The following CACNA1D variants were observed in gnomAD, a reference collection of about 807,000 sequenced individuals.
CACNA1D encodes the protein voltage-dependent L-type calcium channel subunit alpha-1D.
In CACNA1D, 55 loss-of-function variants were observed where a neutral mutation model predicts 257.1. That is an observed-to-expected ratio of 0.21 (90% CI 0.17 to 0.27). The LOEUF (loss-of-function observed/expected upper bound fraction) is 0.27. CACNA1D is among the 10% of genes least tolerant of loss of function. The pLI is 1.00. For synonymous variants in CACNA1D, 980 were observed against 1,014.9 expected (o/e 0.97, Z 0.65); for missense variants, 1,876 against 2,784.0 (o/e 0.67, Z 7.34).
intron 3 of CACNA1D, among the ~76,000 whole-genome samples, chr3:53,600,951 G>A (rs564272720): frequency 6.6e-6 from 1 of 152,234 alleles, no homozygotes; most frequent in Non-Finnish European, 1.5e-5. Context: ...TGAGTCCATT[G>A]TGTTTTTCCT....
At chr3:53,794,030 C>T (rs955423243) in intron 40 of CACNA1D, among the ~76,000 whole-genome samples, 6 of 152,198 alleles carry the variant, frequency 3.9e-5, no homozygotes, top group Non-Finnish European at 7.3e-5. Flanking sequence ...ATAGCTTATA[C>T]TGTTTAACAA....
intron 3 of CACNA1D, among the ~76,000 whole-genome samples, chr3:53,612,731 C>T (rs2093596618): frequency 6.6e-6 from 1 of 152,136 alleles, no homozygotes; most frequent in Non-Finnish European, 1.5e-5. Flanking sequence ...TGCTTGGCGC[C>T]CCCACTCTCT....
intron 3 of CACNA1D, among the ~76,000 whole-genome samples, chr3:53,545,836 G>A (rs1174599215): frequency 6.6e-6 from 1 of 152,190 alleles, no homozygotes; most frequent in Non-Finnish European, 1.5e-5. Flanking sequence ...ACAGTGGGAA[G>A]TCCAGATTGT....
intron 3 of CACNA1D, among the ~76,000 whole-genome samples, chr3:53,589,962 C>G (rs1334832369): frequency 6.6e-6 from 1 of 152,252 alleles, no homozygotes; most frequent in Non-Finnish European, 1.5e-5. Context: ...TCTGGCCTGC[C>G]TGCTCAGCAT....
At chr3:53,687,344 A>T (rs1422108209) in intron 8 of CACNA1D, among the ~76,000 whole-genome samples, 1 of 152,184 alleles carries the variant, frequency 6.6e-6, no homozygotes, top group Non-Finnish European at 1.5e-5. Context: ...AGGAGGGCTT[A>T]TACTGCTGAT....
At chr3:53,806,190 TC>T (rs2095565088) in intron 45 of CACNA1D, among the ~76,000 whole-genome samples, 2 of 69,794 alleles carry the variant, frequency 2.9e-5, no homozygotes, top group Non-Finnish European at 5.5e-5. Context: ...TCCTCCTCCC[TC>T]CTCCCTCCTC....
intron 8 of CACNA1D, chr3:53,679,270 CAAAAAAAAAAAAAAAAAAAAAA>C (rs1166823497): frequency 6.1e-4 from 10 of 16,330 alleles, no homozygotes; most frequent in Admixed American, 2.8e-3. Context: ...AACTCCATCT[CAAAAAAAAAAAAAAAAAAAAAA>C]AAAAAAAAAA....
chr3:53,806,963 G>A (rs60910387), intron 45 of CACNA1D, among the ~76,000 whole-genome samples: 23,431 of 152,220 alleles, frequency 0.15, 3,121 homozygotes, highest in African/African-American at 0.36. Flanking sequence ...AATCCCACCA[G>A]CCACAGTGCC....
In CACNA1D at chr3:53,673,874, C is replaced by A; in HGVS notation, c.1220+748C>A. On this transcript the variant is annotated intron_variant, in intron 8 of 47. Transcript: ENST00000350061. The surrounding 1 kb of genome is among the most constrained non-coding windows in gnomAD (Gnocchi z 4.1). Reference sequence around the variant, plus strand: ...TGCTGCCACGTGTGAGGCAACTCTGCGTGTCTCCTAGCTGCTCCCTGACAG... The same window carrying A: ...TGCTGCCACGTGTGAGGCAACTCTGAGTGTCTCCTAGCTGCTCCCTGACAG... 1 of 1,055,112 alleles carries A rather than the reference C, an allele frequency of 9.5e-7. No individual in the cohort carries two copies. Among genetic ancestry groups the A allele is most frequent in the Non-Finnish European group, 1.5e-6 (1 of 669,746 alleles). The allele number at this position is 1,055,112 out of a possible 1,614,324, so 65.4% of individuals were successfully genotyped here. A position where few individuals can be genotyped will look rare whatever the true frequency, so the allele number is the denominator to read the frequency against.
intron 44 of CACNA1D, 117 bp from the exon 45 acceptor site, chr3:53,804,866 C>T: frequency 1.0e-6 from 1 of 986,692 alleles, no homozygotes; most frequent in South Asian, 1.3e-5. Context: ...TTGTTCTCAG[C>T]CAATCCTACT....
Position 53,578,375 on chromosome 3 carries a change from G to A in CACNA1D, c.484-72404G>A, listed in dbSNP as rs190205468. On this transcript the variant is annotated intron_variant, in intron 3 of 47. Coordinates refer to ENST00000350061, the MANE Select transcript of CACNA1D (RefSeq NM_001128840.3). ...AGTGGCCCAGCAGAGGTGAGGGAGAGGGAGCTGACAGCTTCATTCTTGATG... is the reference window on the plus strand; with the variant it reads ...AGTGGCCCAGCAGAGGTGAGGGAGAAGGAGCTGACAGCTTCATTCTTGATG... Among the ~76,000 whole-genome samples, 78 of 152,156 alleles carry A rather than the reference G, an allele frequency of 5.1e-4. No individual in the cohort carries two copies. In the East Asian group the frequency reaches 0.013, roughly 25 times the overall value.
intron 3 of CACNA1D, among the ~76,000 whole-genome samples, chr3:53,622,032 A>G (rs2093702139): frequency 6.6e-6 from 1 of 151,866 alleles, no homozygotes; most frequent in African/African-American, 2.4e-5. Flanking sequence ...TGGTCCAGAC[A>G]CTTTGGGTAA....
chr3:53,620,167 G>T (rs1384888369), intron 3 of CACNA1D, among the ~76,000 whole-genome samples: 4 of 152,232 alleles, frequency 2.6e-5, no homozygotes, highest in Non-Finnish European at 4.4e-5. Context: ...GCCAGGACAG[G>T]TGTCTAGTGA....
At chr3:53,541,691 T>C (rs993967428) in intron 3 of CACNA1D, among the ~76,000 whole-genome samples, 2 of 152,204 alleles carry the variant, frequency 1.3e-5, no homozygotes, top group Admixed American at 6.5e-5. Context: ...TTTCTTCAGA[T>C]GTTTCGTGAG....
At position 53,518,165 on chromosome 3, in the gene CACNA1D, G is replaced by A. The variant is rs182876205; in HGVS notation, c.483+16445G>A. 2.0e-4 allele frequency among the ~76,000 whole-genome samples: 31 copies of A among 152,342 alleles called. No individual in the cohort carries two copies. In the South Asian group the frequency reaches 6.0e-3, roughly 30 times the overall value. ...GAAGCTGGGGAGCTGGAATCAGCTG[G>A]TGTGTTCTCTGTAGAACTGAGAGGA... On this transcript the variant is annotated intron_variant, in intron 3 of 47. Transcript: ENST00000350061.
rs1433849089 is a variant in CACNA1D, at chr3:53,804,997, A to G, written c.5600A>G (p.Tyr1867Cys). The change falls in exon 45 of 48, where the codon TAC becomes TGC. Residue 1867 changes from tyrosine to cysteine, a missense_variant. Coordinates refer to ENST00000350061, the MANE Select transcript of CACNA1D (RefSeq NM_001128840.3). ...SPTWSRQNYG[Y>C]YSRYPGRNID... ...CTGACCTCCAGGCAAAACTATGGCT[A>G]CTACAGCAGATACCCAGGCAGAAAC... 1.2e-6 allele frequency: 2 copies of G among 1,614,124 alleles called. No individual in the cohort carries two copies. Among genetic ancestry groups the G allele is most frequent in the Admixed American group, 1.7e-5 (1 of 60,020 alleles).
Position 53,793,711 on chromosome 3 carries a change from AAGAC to A in CACNA1D, c.4924-6535_4924-6532del, listed in dbSNP as rs2095495180. Reference sequence around the variant, plus strand: ...GTTGGTAGCCAAGGCCAGCTTAGGAAAGACAGCCAGGAATCAGGAAAGCTGCTTC... The same window carrying A: ...GTTGGTAGCCAAGGCCAGCTTAGGAAAGCCAGGAATCAGGAAAGCTGCTTC... On this transcript the variant is annotated intron_variant, in intron 40 of 47. Transcript: ENST00000350061. This position sits in a 1 kb window ranked among gnomAD's most constrained non-coding sequence, Gnocchi z 4.1. Among the ~76,000 whole-genome samples the A allele has an allele frequency of 2.0e-5, 3 of 152,342 alleles. No homozygotes were observed. Among genetic ancestry groups the A allele is most frequent in the African/African-American group, 7.2e-5 (3 of 41,584 alleles).
chr3:53,712,559 GCTT>G (rs1221413149), intron 9 of CACNA1D, among the ~76,000 whole-genome samples: 2 of 152,110 alleles, frequency 1.3e-5, no homozygotes, highest in African/African-American at 2.4e-5. Context: ...GGGTGTGTGG[GCTT>G]CTTCTGGATT....
At chr3:53,713,932 A>G (rs551573581) in intron 9 of CACNA1D, among the ~76,000 whole-genome samples, 1 of 152,210 alleles carries the variant, frequency 6.6e-6, no homozygotes, top group South Asian at 2.1e-4. Flanking sequence ...CTGTAAGCCT[A>G]AGGGTCTGCC....
Sources: allele counts gnomAD v4.1 joint callset (sites outside exome capture counted in the v4.1 genomes callset), GRCh38; gene constraint gnomAD v4.1.1; non-coding constraint Gnocchi (gnomAD v3.1); transcripts MANE v1.5; gene names NCBI Gene and HGNC (gene_info 2026-07-23, HGNC 2026-07-21).